ANKRD30BL: variants seen among roughly 807,000 people sequenced by gnomAD.
ANKRD30BL encodes ankyrin repeat domain 30B like, also known as putative ankyrin repeat domain-containing protein 30B-like.
Under a neutral mutation model 18.4 loss-of-function variants are expected in ANKRD30BL, and 20 were observed. The ratio of observed to expected loss-of-function variants is 1.09; its 90% confidence interval spans 0.77 to 1.58. The LOEUF (loss-of-function observed/expected upper bound fraction) is 1.58. ANKRD30BL is among the 40% of genes most tolerant of loss of function. ANKRD30BL has a pLI of 0.00. For missense variants in ANKRD30BL, 224 were observed against 268.6 expected (o/e 0.83, Z 1.16); for synonymous variants, 72 against 100.9 (o/e 0.71, Z 1.72).
At chr2:132,208,077 C>A (rs1448287221) in intron 1 of ANKRD30BL, among the ~76,000 whole-genome samples, 1 of 152,072 alleles carries the variant, frequency 6.6e-6, no homozygotes. Flanking sequence ...TTGCCGCTGG[C>A]TCCATAGGAA....
intron 1 of ANKRD30BL, among the ~76,000 whole-genome samples, chr2:132,232,297 C>T (rs190790561): frequency 2.1e-4 from 32 of 152,314 alleles, no homozygotes; most frequent in East Asian, 1.3e-3. Flanking sequence ...TCCAAAGGAA[C>T]GCAGTTCCTC....
intron 1 of ANKRD30BL, among the ~76,000 whole-genome samples, chr2:132,222,644 C>A (rs7557033): frequency 6.6e-6 from 1 of 151,708 alleles, no homozygotes; most frequent in African/African-American, 2.4e-5. Flanking sequence ...GCAGCATGCT[C>A]ATTAAGAGTC....
intron 1 of ANKRD30BL, among the ~76,000 whole-genome samples, chr2:132,248,205 G>A (rs550393172): frequency 0.06 from 9,122 of 152,150 alleles, 335 homozygotes; most frequent in South Asian, 0.12. Flanking sequence ...GTTCGACACT[G>A]TGAGATGAAT....
chr2:132,159,491 G>A (rs1687999446), intron 1 of ANKRD30BL, among the ~76,000 whole-genome samples: 2 of 152,020 alleles, frequency 1.3e-5, no homozygotes, highest in Non-Finnish European at 2.9e-5. Flanking sequence ...TGTTTTCTGT[G>A]TGCATAGGTC....
chr2:132,246,934 G>C (rs374566501), intron 1 of ANKRD30BL, among the ~76,000 whole-genome samples: 1 of 152,032 alleles, frequency 6.6e-6, no homozygotes, highest in African/African-American at 2.4e-5. Context: ...TCTGCAAGTG[G>C]ATATTTGGAT....
intron 1 of ANKRD30BL, among the ~76,000 whole-genome samples, chr2:132,178,906 A>G (rs1436171985): frequency 6.6e-6 from 1 of 151,722 alleles, no homozygotes; most frequent in African/African-American, 2.4e-5. Context: ...ATTTGATAGA[A>G]TTCTGAGGTT....
chr2:132,254,126 G>A (rs796510179), intron 1 of ANKRD30BL, among the ~76,000 whole-genome samples: 3 of 130,370 alleles, frequency 2.3e-5, no homozygotes, highest in Non-Finnish European at 3.3e-5. Flanking sequence ...ACCAGGCTGC[G>A]AGCCATCCAG....
chr2:132,206,095 T>C (rs1423537096), intron 1 of ANKRD30BL, among the ~76,000 whole-genome samples: 1 of 151,000 alleles, frequency 6.6e-6, no homozygotes, highest in Admixed American at 6.6e-5. Flanking sequence ...GAGGTGGAGG[T>C]CGCAGTGAGC....
chr2:132,157,741 G>C (rs761172559), intron 1 of ANKRD30BL, among the ~76,000 whole-genome samples: 1 of 152,136 alleles, frequency 6.6e-6, no homozygotes, highest in East Asian at 1.9e-4. Context: ...AAGTGAAGAT[G>C]AATACAGTAG....
At chr2:132,242,769 A>G (rs887724993) in intron 1 of ANKRD30BL, among the ~76,000 whole-genome samples, 10 of 151,684 alleles carry the variant, frequency 6.6e-5, no homozygotes, top group South Asian at 2.1e-4. Context: ...TGTGTACTCA[A>G]CTCACAGACG....
intron 1 of ANKRD30BL, among the ~76,000 whole-genome samples, chr2:132,256,694 C>T (rs1680851151): frequency 6.6e-6 from 1 of 152,244 alleles, no homozygotes; most frequent in Non-Finnish European, 1.5e-5. Flanking sequence ...CGACCCCAAA[C>T]CCTCCGGGTG....
At chr2:132,256,846 T>TA in intron 1 of ANKRD30BL, 1 of 421,994 alleles carries the variant, frequency 2.4e-6, no homozygotes, top group Non-Finnish European at 4.7e-6. Context: ...CACCACAGCC[T>TA]AAGGCGGTGA....
chr2:132,147,877 G>A lies in ANKRD30BL; in HGVS notation c.*254C>T. On this transcript the variant is annotated 3_prime_UTR_variant, in exon 6 of 6. Coordinates refer to ENST00000409867, the MANE Select transcript of ANKRD30BL (RefSeq NM_001358416.1). ...CTAAGGATGACTAAGGACAGAGCAG[G>A]TTACTAAGAATGACTAAAGACAAAG... 1 of 449,086 alleles carries A rather than the reference G, an allele frequency of 2.2e-6. No homozygotes were observed. Among genetic ancestry groups the A allele is most frequent in the Non-Finnish European group, 4.1e-6 (1 of 241,478 alleles). The allele number at this position is 449,086 out of a possible 1,614,324, so 27.8% of individuals were successfully genotyped here.
At chr2:132,195,793 A>G (rs1678952564) in intron 1 of ANKRD30BL, among the ~76,000 whole-genome samples, 2 of 128,316 alleles carry the variant, frequency 1.6e-5, no homozygotes, top group South Asian at 4.3e-4. Context: ...TCTGCCAAAA[A>G]AAAAAAAAAA....
chr2:132,239,168 T>C (rs896877553), intron 1 of ANKRD30BL, among the ~76,000 whole-genome samples: 42 of 152,234 alleles, frequency 2.8e-4, no homozygotes, highest in African/African-American at 9.9e-4. Context: ...CAGAAACTAC[T>C]TTGTGATGTG....
Position 132,175,265 on chromosome 2 carries a change from G to C in ANKRD30BL, n.442-18119C>G, listed in dbSNP as rs1688342706. 2.0e-5 allele frequency among the ~76,000 whole-genome samples: 3 copies of C among 151,688 alleles called. No homozygotes were observed. In the South Asian group the frequency reaches 6.3e-4, roughly 32 times the overall value. On this transcript the variant is annotated intron_variant and non_coding_transcript_variant, in intron 1 of 4. Coordinates refer to the ANKRD30BL transcript ENST00000470729. ...AGAGCAGGGTGATAATAGGGAGAAGGTCAGCAAAAAAACATGTGAGCAGAA... is the reference window on the plus strand; with the variant it reads ...AGAGCAGGGTGATAATAGGGAGAAGCTCAGCAAAAAAACATGTGAGCAGAA...
At chr2:132,235,201 G>A (rs1329214859) in intron 1 of ANKRD30BL, among the ~76,000 whole-genome samples, 2 of 152,062 alleles carry the variant, frequency 1.3e-5, no homozygotes, top group South Asian at 2.1e-4. Flanking sequence ...AATAATAAGA[G>A]CTATCTATGA....
At chr2:132,195,796 A>G (rs1210689002) in intron 1 of ANKRD30BL, among the ~76,000 whole-genome samples, 2 of 129,544 alleles carry the variant, frequency 1.5e-5, no homozygotes, top group Non-Finnish European at 3.0e-5. Context: ...GCCAAAAAAA[A>G]AAAAAAAAAA....
chr2:132,209,810 T>C (rs929768054), intron 1 of ANKRD30BL, among the ~76,000 whole-genome samples: 1 of 152,094 alleles, frequency 6.6e-6, no homozygotes, highest in African/African-American at 2.4e-5. Context: ...TATTTGCAAG[T>C]GGATATTTGG....
Sources: gnomAD v4.1 joint callset for allele counts (sites outside exome capture counted in the v4.1 genomes callset) on GRCh38, gnomAD v4.1.1 for gene constraint, MANE v1.5 for transcripts, NCBI Gene and HGNC (gene_info 2026-07-23, HGNC 2026-07-21) for gene names.